The following SHISA9 variants were observed in gnomAD, a reference collection of about 807,000 sequenced individuals.
SHISA9 encodes the protein protein shisa-9.
SHISA9 carries 13 observed loss-of-function variants against 38.0 expected under a neutral mutation model. The ratio of observed to expected loss-of-function variants is 0.34; its 90% CI spans 0.22 to 0.54. SHISA9 has a LOEUF of 0.54. Ranked by LOEUF, SHISA9 falls within the 20% of genes least tolerant of loss-of-function variation. The pLI is 0.91. For missense variants in SHISA9, 538 were observed against 575.8 expected, an observed-to-expected ratio of 0.93 and a Z score of 0.67; for synonymous variants, 275 against 242.0, an observed-to-expected ratio of 1.14 and a Z score of -1.27.
At chr16:13,200,536 G>C (rs2050996717) in intron 2 of SHISA9, among the ~76,000 whole-genome samples, 1 of 152,010 alleles carries the variant, frequency 6.6e-6, no homozygotes, top group Admixed American at 6.6e-5. Flanking sequence ...TGGCTGGCCT[G>C]ACATGCCCAG....
the SHISA9 span, among the ~76,000 whole-genome samples, chr16:13,558,187 A>G: frequency 6.6e-6 from 1 of 152,166 alleles, no homozygotes; most frequent in Non-Finnish European, 1.5e-5. Flanking sequence ...TGGGCTAATC[A>G]CTATCTCTCT....
the SHISA9 span, among the ~76,000 whole-genome samples, chr16:13,406,229 T>C: frequency 6.6e-6 from 1 of 152,242 alleles, no homozygotes; most frequent in African/African-American, 2.4e-5. Flanking sequence ...CAAGACATTA[T>C]GGAGGCTTGT....
At position 13,117,643 on chromosome 16, in the gene SHISA9, C is replaced by A. The variant is rs538537149; in HGVS notation, c.692-85751C>A. Among the ~76,000 whole-genome samples, 3 of 152,226 alleles carry A rather than the reference C, an allele frequency of 2.0e-5. No homozygotes were observed. In the South Asian group the frequency reaches 6.2e-4, roughly 32 times the overall value. On this transcript the variant is annotated intron_variant, in intron 2 of 4. Coordinates refer to ENST00000558583, the MANE Select transcript of SHISA9 (RefSeq NM_001145204.3). ...CACACGGCAGAGATCCTGGAGCCAC[C>A]AGAAGCTGGAGGAGACAAGGGATGG...
the SHISA9 span, among the ~76,000 whole-genome samples, chr16:13,454,122 A>C: frequency 1.3e-5 from 2 of 152,206 alleles, no homozygotes; most frequent in Non-Finnish European, 2.9e-5. Context: ...AGCTGTAAGG[A>C]GATGAGAGGG....
At chr16:13,127,906 C>G (rs926645522) in intron 2 of SHISA9, among the ~76,000 whole-genome samples, 5 of 152,192 alleles carry the variant, frequency 3.3e-5, no homozygotes, top group African/African-American at 1.2e-4. Context: ...GAGAGCCCAG[C>G]TTCTGATGCT....
chr16:13,474,376 G>A, the SHISA9 span: 1 of 152,172 alleles, frequency 6.6e-6, no homozygotes, highest in African/African-American at 2.4e-5. Context: ...AGTAATATAC[G>A]ATTTAAGAAA....
chr16:12,953,655 AATATT>A (rs1443993102), intron 2 of SHISA9, among the ~76,000 whole-genome samples: 1 of 152,166 alleles, frequency 6.6e-6, no homozygotes, highest in Non-Finnish European at 1.5e-5. Flanking sequence ...CTTGCTGAGA[AATATT>A]AGATAAGATA....
chr16:13,118,176 C>T (rs1044423882), intron 2 of SHISA9, among the ~76,000 whole-genome samples: 10 of 134,404 alleles, frequency 7.4e-5, no homozygotes, highest in Admixed American at 1.6e-4. Flanking sequence ...AGCGAGACTT[C>T]GTCTAAAAAA....
At chr16:13,518,893 A>G in the SHISA9 span, among the ~76,000 whole-genome samples, 2 of 152,130 alleles carry the variant, frequency 1.3e-5, no homozygotes, top group African/African-American at 4.8e-5. Flanking sequence ...TGGAAGGGTA[A>G]GAGAGGATAA....
the SHISA9 span, among the ~76,000 whole-genome samples, chr16:13,340,581 C>A: frequency 6.6e-6 from 1 of 152,182 alleles, no homozygotes; most frequent in South Asian, 2.1e-4. Flanking sequence ...GAAGTTGAGT[C>A]TTTACAAACC....
the SHISA9 span, among the ~76,000 whole-genome samples, chr16:13,353,111 G>T: frequency 6.6e-6 from 1 of 152,136 alleles, no homozygotes; most frequent in Non-Finnish European, 1.5e-5. Context: ...GAGAATGGAC[G>T]ATGTTTCTCA....
downstream of SHISA9, among the ~76,000 whole-genome samples, chr16:13,242,444 C>T (rs1204119382): frequency 6.6e-6 from 1 of 152,220 alleles, no homozygotes; most frequent in African/African-American, 2.4e-5. Flanking sequence ...ATTACATCAT[C>T]ATCCAACATC....
At chr16:13,126,811 A>AGG (rs2050261840) in intron 2 of SHISA9, among the ~76,000 whole-genome samples, 1 of 129,874 alleles carries the variant, frequency 7.7e-6, no homozygotes, top group African/African-American at 2.7e-5. Context: ...GGAGAGAGAG[A>AGG]GAGAGAGCTG....
chr16:13,511,539 A>C, the SHISA9 span, among the ~76,000 whole-genome samples: 1 of 152,206 alleles, frequency 6.6e-6, no homozygotes. Context: ...TAAAGGTAAC[A>C]TGTGTTTTCC....
At chr16:13,359,066 C>A in the SHISA9 span, among the ~76,000 whole-genome samples, 1 of 152,164 alleles carries the variant, frequency 6.6e-6, no homozygotes, top group Non-Finnish European at 1.5e-5. Flanking sequence ...AATGCAATTC[C>A]CATCCGTTGG....
At chr16:13,561,087 C>A in the SHISA9 span, among the ~76,000 whole-genome samples, 2 of 152,194 alleles carry the variant, frequency 1.3e-5, no homozygotes, top group Non-Finnish European at 2.9e-5. Flanking sequence ...TGGTCTCGAA[C>A]TCCTGACCTC....
chr16:13,105,690 C>T (rs911028891), intron 2 of SHISA9, among the ~76,000 whole-genome samples: 2 of 152,168 alleles, frequency 1.3e-5, no homozygotes, highest in African/African-American at 4.8e-5. Flanking sequence ...TTGGGCATGG[C>T]AGTTGCTTGT....
chr16:13,235,590 G>C lies in SHISA9; in HGVS notation c.*181G>C, dbSNP rs2051375649. The C allele has an allele frequency of 4.0e-6, 3 of 745,096 alleles. No homozygotes were observed. In the African/African-American group the frequency reaches 5.3e-5, roughly 13 times the overall value. 46.2% of individuals were successfully genotyped at this position (745,096 alleles called of 1,614,324 possible). A position where few individuals can be genotyped will look rare whatever the true frequency, so the allele number is the denominator to read the frequency against. ...GCTTTTCCTAGGTCATGCCTGTAAC[G>C]TGTCGGCGGGCAGCTGAGAAAGACC... On this transcript the variant is annotated 3_prime_UTR_variant, in exon 5 of 5. Coordinates refer to ENST00000558583, the MANE Select transcript of SHISA9 (RefSeq NM_001145204.3).
At chr16:12,937,235 T>A (rs2071546244) in intron 2 of SHISA9, among the ~76,000 whole-genome samples, 1 of 152,158 alleles carries the variant, frequency 6.6e-6, no homozygotes, top group Non-Finnish European at 1.5e-5. Context: ...TTTAAAAAAA[T>A]TAACGTATTT....
Sources: allele counts gnomAD v4.1 joint callset (sites outside exome capture counted in the v4.1 genomes callset), GRCh38; gene constraint gnomAD v4.1.1; transcripts MANE v1.5; gene names NCBI Gene and HGNC (gene_info 2026-07-23, HGNC 2026-07-21).